Variants in NELL1 observed in about 807,000 individuals in gnomAD.
NELL1 encodes the protein protein kinase C-binding protein NELL1.
A neutral mutation model predicts 107.4 loss-of-function variants in NELL1; 76 were observed. The ratio of observed to expected loss-of-function variants is 0.71; its 90% CI spans 0.59 to 0.86. The LOEUF is 0.86. NELL1 is among the 40% of genes least tolerant of loss of function. NELL1 has a pLI of 0.00. For missense variants in NELL1, 1,024 were observed against 1,005.5 expected (o/e 1.02, Z -0.25); for synonymous variants, 353 against 341.2 (o/e 1.03, Z -0.38).
chr11:20,831,675 A>G (rs11025775), intron 3 of NELL1, among the ~76,000 whole-genome samples: 4,905 of 152,186 alleles, frequency 0.032, 108 homozygotes, highest in Middle Eastern at 0.058. Context: ...TACTTTTTTG[A>G]ACTGCTGCAG....
chr11:21,079,332 T>C (rs757617515), intron 12 of NELL1, among the ~76,000 whole-genome samples: 2 of 152,036 alleles, frequency 1.3e-5, no homozygotes, highest in African/African-American at 2.4e-5. Flanking sequence ...CGTTCTCAGT[T>C]TGTAACAAGC....
chr11:21,382,380 A>G (rs1359188992), intron 15 of NELL1, among the ~76,000 whole-genome samples: 1 of 151,944 alleles, frequency 6.6e-6, no homozygotes, highest in Non-Finnish European at 1.5e-5. Context: ...AAACTCTGGC[A>G]TGGGAAAAAT....
At chr11:21,384,810 T>G (rs958555816) in intron 15 of NELL1, among the ~76,000 whole-genome samples, 5 of 152,022 alleles carry the variant, frequency 3.3e-5, no homozygotes, top group Non-Finnish European at 7.4e-5. Context: ...TATTCCATGG[T>G]GTATATGTGA....
rs1022705784 is a variant in NELL1 at position 21,556,587 on chromosome 11, C to T, written c.1787-3602C>T. On this transcript the variant is annotated intron_variant, in intron 16 of 19. Transcript: ENST00000357134. ...TCTCTGAATTCTATTTTCTTACATG[C>T]CCAAGTAACCTAAAAACCTCACATC... Among the ~76,000 whole-genome samples the T allele has an allele frequency of 2.6e-5, 4 of 151,734 alleles. No homozygotes were observed. The South Asian group carries it at 8.3e-4, about 32-fold the overall frequency.
intron 5 of NELL1, among the ~76,000 whole-genome samples, chr11:20,917,221 A>G (rs1850277132): frequency 6.6e-6 from 1 of 151,972 alleles, no homozygotes; most frequent in African/African-American, 2.4e-5. Context: ...AATCGCAAAC[A>G]CTGCATCATC....
chr11:20,751,441 T>G (rs1246432063), intron 2 of NELL1, among the ~76,000 whole-genome samples: 1 of 152,094 alleles, frequency 6.6e-6, no homozygotes, highest in Non-Finnish European at 1.5e-5. Flanking sequence ...TGTTTTGTAG[T>G]TTTTAGTGTA....
In NELL1 at chr11:20,971,308, T is replaced by C. The variant is rs552095221; in HGVS notation, c.1300+10748T>C. On this transcript the variant is annotated intron_variant, in intron 12 of 19. Transcript: ENST00000357134. ...AAGACATTATGCATAAATTATGTTA[T>C]TTATAGTGCTTAGCATTTTTATGTA... Among the ~76,000 whole-genome samples the C allele has an allele frequency of 5.9e-5, 9 of 152,256 alleles. No individual in the cohort carries two copies. In the East Asian group the frequency reaches 1.7e-3, roughly 29 times the overall value.
At chr11:21,229,637 G>A (rs1268204473) in intron 14 of NELL1, among the ~76,000 whole-genome samples, 183 bp downstream of exon 14, 1 of 152,204 alleles carries the variant, frequency 6.6e-6, no homozygotes, top group Non-Finnish European at 1.5e-5. Context: ...TTTAGCTTTG[G>A]AGTTGAAAGA....
chr11:20,722,181 C>T (rs1855406613), intron 2 of NELL1, among the ~76,000 whole-genome samples: 1 of 151,998 alleles, frequency 6.6e-6, no homozygotes, highest in Non-Finnish European at 1.5e-5. Flanking sequence ...CCACAACACC[C>T]AGCTAATTTT....
intron 15 of NELL1, among the ~76,000 whole-genome samples, chr11:21,447,656 G>A (rs28872540): frequency 0.046 from 6,944 of 152,102 alleles, 530 homozygotes; most frequent in African/African-American, 0.16. Flanking sequence ...TCAGAGCTAC[G>A]AGTTACATTG....
intron 14 of NELL1, among the ~76,000 whole-genome samples, chr11:21,299,677 T>G (rs1356478856): frequency 6.6e-6 from 1 of 151,834 alleles, no homozygotes; most frequent in Non-Finnish European, 1.5e-5. Flanking sequence ...TAGTAAACAT[T>G]TTAGGCACTG....
intron 3 of NELL1, among the ~76,000 whole-genome samples, chr11:20,823,017 A>G (rs1391953091): frequency 6.6e-6 from 1 of 151,768 alleles, no homozygotes; most frequent in Admixed American, 6.6e-5. Context: ...GACAAGGGTC[A>G]TAAATGAACC....
rs1367696958 is a variant in NELL1, at chr11:21,337,732, T to TTTCCTTTC, written c.1550-33118_1550-33111dup. 2.7e-5 allele frequency among the ~76,000 whole-genome samples: 4 copies of TTTCCTTTC among 146,654 alleles called. 1 individual carries two copies. In the East Asian group the frequency reaches 8.2e-4, roughly 30 times the overall value. On this transcript the variant is annotated intron_variant, in intron 14 of 19. Coordinates refer to ENST00000357134, the MANE Select transcript of NELL1 (RefSeq NM_006157.5). ...TTCCCGCTTTTCATTCTTTTCTTTC[T>TTTCCTTTC]TTCCTTTCTTTCTTTCTTTCTTTCT... is the stretch of plus-strand genomic sequence containing the variant.
chr11:21,185,550 C>A (rs1246896870), intron 13 of NELL1, among the ~76,000 whole-genome samples: 2 of 151,760 alleles, frequency 1.3e-5, no homozygotes, highest in Non-Finnish European at 2.9e-5. Flanking sequence ...CCGCCTCGGC[C>A]TCCCAAAGTG....
At chr11:21,364,548 G>A (rs546121679) in intron 14 of NELL1, among the ~76,000 whole-genome samples, 13 of 151,688 alleles carry the variant, frequency 8.6e-5, no homozygotes, top group Middle Eastern at 3.4e-3. Context: ...GATCGTAGCC[G>A]CACTTTATAA....
intron 13 of NELL1, among the ~76,000 whole-genome samples, chr11:21,132,183 T>G (rs1309233039): frequency 1.3e-5 from 2 of 149,722 alleles, no homozygotes; most frequent in Non-Finnish European, 3.0e-5. Context: ...AGCCTGTATT[T>G]TGTGTGTGTG....
At chr11:21,021,423 G>A (rs989115913) in intron 12 of NELL1, among the ~76,000 whole-genome samples, 1 of 152,088 alleles carries the variant, frequency 6.6e-6, no homozygotes, top group Non-Finnish European at 1.5e-5. Context: ...CTCTTTCAAG[G>A]AACTTTGGTT....
At chr11:20,903,160 GTA>G (rs1017798540) in intron 5 of NELL1, among the ~76,000 whole-genome samples, 19 of 152,014 alleles carry the variant, frequency 1.2e-4, no homozygotes, top group Non-Finnish European at 2.4e-4. Context: ...GTGAATATAT[GTA>G]TATATGTGTG....
chr11:21,212,970 A>G (rs1271631090), intron 13 of NELL1, among the ~76,000 whole-genome samples: 1 of 152,210 alleles, frequency 6.6e-6, no homozygotes, highest in African/African-American at 2.4e-5. Flanking sequence ...TCAAGAAATT[A>G]TAAAAATGTT....
Sources: gnomAD v4.1 joint callset for allele counts (sites outside exome capture counted in the v4.1 genomes callset) on GRCh38, gnomAD v4.1.1 for gene constraint, MANE v1.5 for transcripts, NCBI Gene and HGNC (gene_info 2026-07-23, HGNC 2026-07-21) for gene names.